Variants in FAAH2 observed in about 807,000 individuals in gnomAD.
FAAH2 encodes fatty acid amide hydrolase 2.
FAAH2 carries 60 observed loss-of-function variants against 36.9 expected under a neutral mutation model. The observed-to-expected ratio is 1.63, with a 90% CI of 1.32 to 2.02. The LOEUF (loss-of-function observed/expected upper bound fraction) is 2.02. Ranked by LOEUF, FAAH2 falls within the 30% of genes most tolerant of loss-of-function variation. The probability of loss-of-function intolerance (pLI) is 0.00; values close to 1 mark genes in which losing one functional copy is unlikely to be tolerated. For synonymous variants in FAAH2, 214 were observed against 143.8 expected (o/e 1.49, Z -3.49); for missense variants, 689 against 397.5 (o/e 1.73, Z -6.23).
the FAAH2 span, among the ~76,000 whole-genome samples, chrX:57,227,685 G>C: frequency 9.0e-6 from 1 of 111,347 alleles, no homozygotes; most frequent in African/African-American, 3.3e-5. Flanking sequence ...GAGAGGGACT[G>C]GTGGTGGATA....
rs2052542769 is a variant in FAAH2 at position 57,306,832 on chromosome X, C to T, written c.276-3761C>T. 3.3e-5 allele frequency among the ~76,000 whole-genome samples: 3 copies of T among 90,735 alleles called. No individual in the cohort carries two copies. The Admixed American group carries it at 4.0e-4, about 12-fold the overall frequency. The allele number at this position is 90,735 out of a possible 115,157, so 78.8% of individuals were successfully genotyped here. On this transcript the variant is annotated intron_variant, in intron 2 of 10. Coordinates refer to ENST00000374900, the MANE Select transcript of FAAH2 (RefSeq NM_174912.4). ...ACACCATATATACACTATATATATA[C>T]TATATATGTACTATATATGTGTATA...
At chrX:57,396,450 C>T (rs1360435454) in intron 7 of FAAH2, among the ~76,000 whole-genome samples, 2 of 99,016 alleles carry the variant, frequency 2.0e-5, no homozygotes, top group African/African-American at 7.5e-5. Context: ...ATTTTTCTCT[C>T]TTTTGGATGA....
the FAAH2 span, among the ~76,000 whole-genome samples, chrX:57,270,186 A>G: frequency 8.9e-6 from 1 of 111,762 alleles, no homozygotes; most frequent in Non-Finnish European, 1.9e-5. Flanking sequence ...GAATTCCTGA[A>G]CAGACCAATA....
At chrX:57,357,165 C>T (rs974794031) in intron 5 of FAAH2, among the ~76,000 whole-genome samples, 1 of 106,286 alleles carries the variant, frequency 9.4e-6, no homozygotes, top group Non-Finnish European at 2.0e-5. Flanking sequence ...CTTCCTTACA[C>T]CTTATACAAA....
At chrX:57,343,762 A>G (rs896514575) in intron 5 of FAAH2, among the ~76,000 whole-genome samples, 2 of 111,249 alleles carry the variant, frequency 1.8e-5, no homozygotes, top group Admixed American at 9.6e-5. Context: ...ACATTTAAAT[A>G]TTTAATTTAT....
chrX:57,336,744 G>A (rs1484351992), intron 4 of FAAH2, among the ~76,000 whole-genome samples: 2 of 111,609 alleles, frequency 1.8e-5, no homozygotes, highest in Admixed American at 9.6e-5. Context: ...CACAGCTAAA[G>A]CACTGTTTAG....
the FAAH2 span, among the ~76,000 whole-genome samples, chrX:57,264,737 G>A: frequency 8.9e-6 from 1 of 112,204 alleles, no homozygotes; most frequent in African/African-American, 3.2e-5. Flanking sequence ...GCACACATGT[G>A]TTCATTGCAG....
intron 7 of FAAH2, among the ~76,000 whole-genome samples, chrX:57,411,217 G>T (rs1191902739): frequency 8.9e-6 from 1 of 111,816 alleles, no homozygotes; most frequent in Non-Finnish European, 1.9e-5. Flanking sequence ...TCTCTATGCT[G>T]CAAAGCGAGA....
At chrX:57,366,559 G>T (rs1285238127) in intron 5 of FAAH2, among the ~76,000 whole-genome samples, 1 of 112,472 alleles carries the variant, frequency 8.9e-6, no homozygotes, top group Non-Finnish European at 1.9e-5. Context: ...GCTCATGCCT[G>T]CAGGGTGGTG....
intron 5 of FAAH2, among the ~76,000 whole-genome samples, chrX:57,354,316 AC>A (rs2054105907): frequency 9.0e-6 from 1 of 110,932 alleles, no homozygotes; most frequent in African/African-American, 3.3e-5. Flanking sequence ...ATTTAGCAAA[AC>A]ATGCCCGTTA....
intron 2 of FAAH2, among the ~76,000 whole-genome samples, chrX:57,293,712 G>T (rs1243523456): frequency 9.0e-6 from 1 of 111,342 alleles, no homozygotes; most frequent in Admixed American, 9.6e-5. Context: ...CGAAGAAGGG[G>T]GTCAGTTGTT....
chrX:57,160,628 A>G, the FAAH2 span, among the ~76,000 whole-genome samples: 1 of 111,996 alleles, frequency 8.9e-6, no homozygotes, highest in Non-Finnish European at 1.9e-5. Context: ...TTATTTGCCT[A>G]GAGGTGTTTA....
At chrX:57,351,053 C>T (rs2053985836) in intron 5 of FAAH2, among the ~76,000 whole-genome samples, 1 of 111,455 alleles carries the variant, frequency 9.0e-6, no homozygotes, top group South Asian at 3.6e-4. Flanking sequence ...TTCATCAACA[C>T]ATCGAACATT....
At chrX:57,269,857 G>A in the FAAH2 span, among the ~76,000 whole-genome samples, 1 of 110,667 alleles carries the variant, frequency 9.0e-6, no homozygotes, top group Non-Finnish European at 1.9e-5. Context: ...GCTAGTAGAA[G>A]ACAAATAACC....
At chrX:57,381,084 C>A in intron 7 of FAAH2, 55 bp downstream of exon 7, 1 of 919,659 alleles carries the variant, frequency 1.1e-6, no homozygotes, top group South Asian at 2.4e-5. Context: ...AGATATCCTT[C>A]TGAGCCCTTT....
At chrX:57,465,131 T>C (rs1266065534) in intron 10 of FAAH2, among the ~76,000 whole-genome samples, 1 of 111,756 alleles carries the variant, frequency 8.9e-6, no homozygotes, top group Non-Finnish European at 1.9e-5. Context: ...CTCAACATTA[T>C]GTTTTAAATG....
At chrX:57,216,550 G>A in the FAAH2 span, among the ~76,000 whole-genome samples, 322 of 15,010 alleles carry the variant, frequency 0.021, 29 homozygotes, top group African/African-American at 0.071. Context: ...ATACGTATAT[G>A]TATATATATA....
intron 7 of FAAH2, among the ~76,000 whole-genome samples, chrX:57,387,934 G>T (rs975491183): frequency 1.9e-4 from 21 of 111,048 alleles, no homozygotes; most frequent in Non-Finnish European, 3.8e-4. Context: ...GTGGGGTAAG[G>T]ATGTGTGCCA....
intron 7 of FAAH2, among the ~76,000 whole-genome samples, chrX:57,407,161 T>C (rs2055586860): frequency 2.7e-5 from 3 of 112,318 alleles, no homozygotes; most frequent in Non-Finnish European, 5.6e-5. Context: ...GATCTAGTGA[T>C]CCTCTTATTT....
Sources: gnomAD v4.1 joint callset for allele counts (sites outside exome capture counted in the v4.1 genomes callset) on GRCh38, gnomAD v4.1.1 for gene constraint, MANE v1.5 for transcripts, NCBI Gene and HGNC (gene_info 2026-07-23, HGNC 2026-07-21) for gene names.